Variants in DCHS1 observed in about 807,000 individuals in gnomAD.
DCHS1 encodes protocadherin-16.
DCHS1 carries 78 observed loss-of-function variants against 213.9 expected under a neutral mutation model. The observed-to-expected ratio is 0.36, with a 90% CI of 0.30 to 0.44. The LOEUF is 0.44. DCHS1 is among the 20% of genes least tolerant of loss of function. The pLI, the probability that DCHS1 is intolerant of heterozygous loss-of-function variation, is 1.00. For synonymous variants in DCHS1, 1,828 were observed against 1,873.7 expected (o/e 0.98, Z 0.63); for missense variants, 3,946 against 4,395.9 (o/e 0.90, Z 2.89).
intron 1 of DCHS1, among the ~76,000 whole-genome samples, chr11:6,643,730 A>G (rs182500652): frequency 9.8e-4 from 149 of 152,144 alleles, no homozygotes; most frequent in Admixed American, 3.4e-3. Context: ...TGTGCCATCT[A>G]TTTGCTAATG....
chr11:6,642,619 T>A (rs1856095608), intron 1 of DCHS1, among the ~76,000 whole-genome samples: 1 of 91,222 alleles, frequency 1.1e-5, no homozygotes, highest in African/African-American at 4.4e-5. Flanking sequence ...GGGCTCAGAG[T>A]GTCTGAGGGT....
chr11:6,631,430 G>A (rs772135558), intron 7 of DCHS1, 23 bp from the exon 8 acceptor site: 1 of 1,613,528 alleles, frequency 6.2e-7, no homozygotes, highest in African/African-American at 1.3e-5. Context: ...AACTCACCTA[G>A]TGAGTCTCTT....
intron 19 of DCHS1, 93 bp from the exon 20 acceptor site, chr11:6,624,961 T>G: frequency 6.5e-7 from 1 of 1,546,810 alleles, no homozygotes; most frequent in Non-Finnish European, 8.8e-7. Context: ...TGTGCCCTGC[T>G]TGGCGTCTAT....
At chr11:6,634,890 C>T (rs1234714782) in intron 2 of DCHS1, 4 of 152,190 alleles carry the variant, frequency 2.6e-5, no homozygotes, top group Non-Finnish European at 5.9e-5. Context: ...GGAATGTGAA[C>T]ATTAGGTAAC....
In DCHS1 at chr11:6,623,528, G is replaced by A. The variant is rs754399945; in HGVS notation, c.8148C>T (p.Ala2716=). 11 of 1,607,874 alleles carry A rather than the reference G, an allele frequency of 6.8e-6. No homozygotes were observed. The highest frequency in any genetic ancestry group is 2.2e-5 in the South Asian group (2 of 90,098). The change falls in exon 21 of 21, where the codon GCC becomes GCT. Residue 2716 remains alanine, a synonymous_variant. Transcript: ENST00000299441. ...CGAGAGTGCCTGGAGGCTGATTCTC[G>A]GCCACGCTGGTGCTGAGTAAGTTCA... ...FPLNLLSTSV[A]ENQPPGTLVT...
Position 6,640,819 on chromosome 11 carries a change from A to G in DCHS1, c.795T>C (p.Ser265=). The part of the protein sequence containing the change: ...FNQSRYHAVV[S]ESLAPGSPVL... ...CAGGACTGCCAGGGGCCAGGCTCTC[A>G]GACACCACAGCATGGTAGCGGCTCT... Residue 265 remains serine, a synonymous_variant, in exon 2 of 21, where the codon TCT becomes TCC. Coordinates refer to ENST00000299441, the MANE Select transcript of DCHS1 (RefSeq NM_003737.4). This position sits in a 1 kb window ranked among gnomAD's most constrained non-coding sequence, Gnocchi z 6.5. The G allele has an allele frequency of 6.2e-7, 1 of 1,614,068 alleles. No individual in the cohort carries two copies. The highest frequency in any genetic ancestry group is 1.1e-5 in the South Asian group (1 of 91,086).
At position 6,622,849 on chromosome 11, in the gene DCHS1, C is replaced by A; in HGVS notation, c.8827G>T (p.Ala2943Ser). 1 of 1,595,636 alleles carries A rather than the reference C, an allele frequency of 6.3e-7. No homozygotes were observed. Among genetic ancestry groups the A allele is most frequent in the Non-Finnish European group, 8.5e-7 (1 of 1,171,154 alleles). The change falls in exon 21 of 21, where the codon GCC becomes TCC. Residue 2943 changes from alanine (A) to serine (S), a missense_variant. Physicochemically the swap from Ala to Ser is moderately conservative, Grantham distance 99 (BLOSUM62 1). Transcript: ENST00000299441. The surrounding 1 kb of genome is among the most constrained non-coding windows in gnomAD (Gnocchi z 5.4). ...AGCACCACCACAACTCCCAAGGAGG[C>A]TGCCACGGCCCCTACTAATAGCAGG... ...LNLLLVGAVA[A>S]SLGVVVVLAL...
Position 6,630,606 on chromosome 11 carries a change from G to C in DCHS1, c.4188C>G (p.Phe1396Leu). The C allele has an allele frequency of 6.5e-7, 1 of 1,542,552 alleles. No individual in the cohort carries two copies. The highest frequency in any genetic ancestry group is 2.4e-5 in the East Asian group (1 of 41,736). ...GCGCGCGCCACGGCGGGCCAGCTTC[G>C]AAGTCCAGGGGCCGCGCCAGGTACA... The part of the protein sequence containing the change: ...GRLYLARPLD[F>L]EAGPPWRALT... Residue 1396 changes from phenylalanine to leucine, a missense_variant, in exon 10 of 21, where the codon TTC becomes TTG. Phe to Leu is a conservative substitution (Grantham distance 22). This residue lies in a region of DCHS1 where 3,384 missense variants were observed against 3,780.1 expected (regional missense o/e 0.90). Coordinates refer to ENST00000299441, the MANE Select transcript of DCHS1 (RefSeq NM_003737.4).
chr11:6,628,473 A>G lies in DCHS1; in HGVS notation c.5371+148T>C. The G allele has an allele frequency of 1.3e-6, 1 of 758,116 alleles. No homozygotes were observed. The highest frequency in any genetic ancestry group is 1.7e-5 in the South Asian group (1 of 58,276). The allele number at this position is 758,116 out of a possible 1,614,324, so 47.0% of individuals were successfully genotyped here. ...AGAGCATGGAATGAGATACCTAGCT[A>G]CACTGGGTATAAGCATGAAAGAAAA... On this transcript the variant is annotated intron_variant, in intron 13 of 20. Coordinates refer to ENST00000299441, the MANE Select transcript of DCHS1 (RefSeq NM_003737.4). The surrounding 1 kb of genome is among the most constrained non-coding windows in gnomAD (Gnocchi z 4.3).
In DCHS1 at chr11:6,630,477, G is replaced by C; in HGVS notation, c.4317C>G (p.Asp1439Glu). 6.5e-7 allele frequency: 1 copy of C among 1,532,348 alleles called. No individual in the cohort carries two copies. Among genetic ancestry groups the C allele is most frequent in the South Asian group, 1.2e-5 (1 of 84,630 alleles). 94.9% of individuals were successfully genotyped at this position (1,532,348 alleles called of 1,614,324 possible). A position where few individuals can be genotyped will look rare whatever the true frequency, so the allele number is the denominator to read the frequency against. Residue 1439 changes from aspartate (D) to glutamate (E), a missense_variant, in exon 10 of 21, where the codon GAC becomes GAG. By Grantham distance (45) the Asp-to-Glu change is conservative. This residue lies in a region of DCHS1 where 3,384 missense variants were observed against 3,780.1 expected (regional missense o/e 0.90). Coordinates refer to ENST00000299441, the MANE Select transcript of DCHS1 (RefSeq NM_003737.4). ...TCTCTGGCAGCGCCAGCGCCAGCGG[G>C]TCGCGCGCAAAGGCGGGCGCATGCT... The part of the protein sequence containing the change: ...ENEHAPAFAR[D>E]PLALALPENP...
Position 6,626,225 on chromosome 11 carries a change from G to A in DCHS1, c.6520C>T (p.Pro2174Ser). The A allele has an allele frequency of 1.2e-6, 2 of 1,611,780 alleles. No homozygotes were observed. Among genetic ancestry groups the A allele is most frequent in the South Asian group, 2.2e-5 (2 of 90,582 alleles). Residue 2174 changes from proline to serine, a missense_variant, in exon 16 of 21, where the codon CCC (proline) becomes TCC (serine). Pro to Ser is a moderately conservative substitution (Grantham distance 74, BLOSUM62 -1). Coordinates refer to ENST00000299441, the MANE Select transcript of DCHS1 (RefSeq NM_003737.4). This position sits in a 1 kb window ranked among gnomAD's most constrained non-coding sequence, Gnocchi z 5.2. Reference sequence around the variant, plus strand: ...TCAGGAAGGAAGGCCACATAATGGGGCCGCAGGAAACGGGGAGCATTGTCG... The same window carrying A: ...TCAGGAAGGAAGGCCACATAATGGGACCGCAGGAAACGGGGAGCATTGTCG... ...ANDNAPRFLR[P>S]HYVAFLPESR... is the part of the protein sequence containing the mutation.
Position 6,633,822 on chromosome 11 carries a change from T to G in DCHS1, c.2185A>C (p.Ser729Arg). The G allele has an allele frequency of 1.9e-6, 3 of 1,613,890 alleles. No individual in the cohort carries two copies. Among genetic ancestry groups the G allele is most frequent in the Non-Finnish European group, 2.5e-6 (3 of 1,179,876 alleles). ...RLSYHILAGN[S>R]PPLFTLDEQS... ...TCATCCAAGGTAAAAAGTGGGGGGCTGTTGCCAGCCAGGATATGGTAGGAG... is the reference window on the plus strand; with the variant it reads ...TCATCCAAGGTAAAAAGTGGGGGGCGGTTGCCAGCCAGGATATGGTAGGAG... Residue 729 changes from serine to arginine, a missense_variant, in exon 4 of 21, where the codon AGC (serine) becomes CGC (arginine). Transcript: ENST00000299441.
intron 20 of DCHS1, 106 bp downstream of exon 20, chr11:6,624,624 C>G: frequency 6.6e-7 from 1 of 1,524,616 alleles, no homozygotes; most frequent in African/African-American, 1.4e-5. Flanking sequence ...CCTCCCTAGG[C>G]CAGAGATCCA....
chr11:6,638,382 A>G (rs1345348426), intron 2 of DCHS1, among the ~76,000 whole-genome samples: 9 of 152,320 alleles, frequency 5.9e-5, no homozygotes, highest in Admixed American at 1.3e-4. Flanking sequence ...CTTGCTCCCT[A>G]TGATTTTCAA....
intron 2 of DCHS1, among the ~76,000 whole-genome samples, chr11:6,638,447 C>T (rs1420305806): frequency 2.0e-5 from 3 of 152,184 alleles, no homozygotes; most frequent in Non-Finnish European, 4.4e-5. Context: ...TCATCTCCCC[C>T]GACTCTTTCT....
rs1855875964 is a variant in DCHS1, at chr11:6,630,114, A to C, written c.4680T>G (p.Pro1560=). ...CTACCACGTGCAGGGCCGCGGGCCC[A>C]GGCGGCTGGTCCTCTGGGAGGCGCA... ...SRVRLPEDQP[P]GPAALHVVAR... Residue 1560 remains proline (P), a synonymous_variant, in exon 10 of 21, where the codon CCT becomes CCG. Coordinates refer to ENST00000299441, the MANE Select transcript of DCHS1 (RefSeq NM_003737.4). The C allele has an allele frequency of 1.2e-6, 2 of 1,604,106 alleles. No homozygotes were observed. Among genetic ancestry groups the C allele is most frequent in the East Asian group, 2.2e-5 (1 of 44,594 alleles).
In DCHS1 at chr11:6,631,398, G is replaced by A. The variant is rs565376353; in HGVS notation, c.3685C>T (p.Arg1229Cys). Residue 1229 changes from arginine (R) to cysteine (C), a missense_variant, in exon 8 of 21, where the codon CGC (arginine) becomes TGC (cysteine). By Grantham distance (180) the Arg-to-Cys change is radical (BLOSUM62 -3). Around this residue, in one of 3 missense-constraint regions of DCHS1, gnomAD observed 3,384 missense variants for 3,780.1 expected, o/e 0.90. Transcript: ENST00000299441. ...GTCACCAGTGTTCCCGGAGGCACGCGGTCTGGTACCTGTGGGAACACAACT... is the reference window on the plus strand; with the variant it reads ...GTCACCAGTGTTCCCGGAGGCACGCAGTCTGGTACCTGTGGGAACACAACT... ...GGGLPIQVPDRVPPGTLVTTL... is the reference protein window; with the variant it reads ...GGGLPIQVPDCVPPGTLVTTL... 33 of 1,613,820 alleles carry A rather than the reference G, an allele frequency of 2.0e-5. No individual in the cohort carries two copies. The Admixed American group carries it at 4.8e-4, about 24-fold the overall frequency.
Position 6,633,959 on chromosome 11 carries a change from G to C in DCHS1, c.2048C>G (p.Pro683Arg). 1 of 1,614,006 alleles carries C rather than the reference G, an allele frequency of 6.2e-7. No homozygotes were observed. Among genetic ancestry groups the C allele is most frequent in the Non-Finnish European group, 8.5e-7 (1 of 1,179,884 alleles). ...VFLSDENDNP[P>R]QFYPREYAAS... The stretch of plus-strand genomic sequence containing the variant: ...AGCATACTCCCGTGGATAAAACTGA[G>C]GAGGGTTGTCATTCTCGTCTGACAG... The change falls in exon 4 of 21, where the codon CCT becomes CGT. Residue 683 changes from proline (P) to arginine (R), a missense_variant. Physicochemically the swap from Pro to Arg is moderately radical, Grantham distance 103 (BLOSUM62 -2). Around this residue, in one of 3 missense-constraint regions of DCHS1, gnomAD observed 3,384 missense variants for 3,780.1 expected, o/e 0.90. Transcript: ENST00000299441.
In DCHS1 at chr11:6,623,691, G is replaced by A. The variant is rs1284054683; in HGVS notation, c.7985C>T (p.Ala2662Val). ...CTGGGTCTCACAGTCCAGGGCATGG[G>A]CCAGTCGCAAGGTGCCTGAGCTCTC... Reference protein sequence around the residue: ...LDESSGTLRLAHALDCETQAR... With the variant: ...LDESSGTLRLVHALDCETQAR... Residue 2662 changes from alanine (A) to valine (V), a missense_variant, in exon 21 of 21, where the codon GCC becomes GTC. By Grantham distance (64) the Ala-to-Val change is moderately conservative. This residue lies in a region of DCHS1 where 3,384 missense variants were observed against 3,780.1 expected (regional missense o/e 0.90). Coordinates refer to ENST00000299441, the MANE Select transcript of DCHS1 (RefSeq NM_003737.4). 1 of 1,613,806 alleles carries A rather than the reference G, an allele frequency of 6.2e-7. No individual in the cohort carries two copies. Among genetic ancestry groups the A allele is most frequent in the South Asian group, 1.1e-5 (1 of 91,086 alleles).
Sources: gnomAD v4.1 joint callset for allele counts (sites outside exome capture counted in the v4.1 genomes callset) on GRCh38, gnomAD v4.1.1 for gene constraint, gnomAD v4.1.1 regional missense constraint, Gnocchi (gnomAD v3.1) non-coding constraint, MANE v1.5 for transcripts, NCBI Gene and HGNC (gene_info 2026-07-23, HGNC 2026-07-21) for gene names.